Variants in EGLN1 observed in about 807,000 individuals in gnomAD.
EGLN1 encodes egl-9 family hypoxia inducible factor 1.
In EGLN1, 17 loss-of-function variants were observed where a neutral mutation model predicts 38.3. The observed-to-expected ratio is 0.44, with a 90% CI of 0.30 to 0.67. The LOEUF (loss-of-function observed/expected upper bound fraction) is 0.67. EGLN1 is among the 30% of genes least tolerant of loss of function. The probability of loss-of-function intolerance (pLI) is 0.08; values close to 1 mark genes in which losing one functional copy is unlikely to be tolerated. For missense variants in EGLN1, 477 were observed against 603.3 expected (o/e 0.79, Z 2.19); for synonymous variants, 283 against 257.5 (o/e 1.10, Z -0.95).
At chr1:231,418,549 A>G (rs1385363201) in intron 1 of EGLN1, among the ~76,000 whole-genome samples, 1 of 152,150 alleles carries the variant, frequency 6.6e-6, no homozygotes, top group Admixed American at 6.5e-5. Flanking sequence ...ATTAGGAATA[A>G]CACTACTCAC....
At chr1:231,392,960 T>C (rs1330354903) in intron 1 of EGLN1, among the ~76,000 whole-genome samples, 1 of 152,180 alleles carries the variant, frequency 6.6e-6, no homozygotes, top group Non-Finnish European at 1.5e-5. Flanking sequence ...AGGGTGGACA[T>C]GTGGCTCAAG....
intron 1 of EGLN1, among the ~76,000 whole-genome samples, chr1:231,407,742 C>A (rs372969238): frequency 6.6e-6 from 1 of 152,062 alleles, no homozygotes; most frequent in African/African-American, 2.4e-5. Flanking sequence ...CGTCATAAAA[C>A]TTCATTTCAC....
At chr1:231,380,315 C>CAAAAA (rs35280417) in intron 1 of EGLN1, among the ~76,000 whole-genome samples, 88 of 101,034 alleles carry the variant, frequency 8.7e-4, no homozygotes, top group Non-Finnish European at 9.3e-4. Flanking sequence ...GACTCCGTCT[C>CAAAAA]AAAAAAAAAA....
At position 231,421,947 on chromosome 1, in the gene EGLN1, G is replaced by T; in HGVS notation, c.-59C>A. 3 of 1,337,948 alleles carry T rather than the reference G, an allele frequency of 2.2e-6. No homozygotes were observed. The highest frequency in any genetic ancestry group is 2.0e-5 in the South Asian group (1 of 50,910). The allele number at this position is 1,337,948 out of a possible 1,614,324, so 82.9% of individuals were successfully genotyped here. ...GGCCGAGCAGGAGGGGTAGCGGCCG[G>T]ACGGCCTCGCCCGAGGCTGGGGAGC... On this transcript the variant is annotated 5_prime_UTR_variant, in exon 1 of 5. Coordinates refer to ENST00000366641, the MANE Select transcript of EGLN1 (RefSeq NM_022051.3). The surrounding 1 kb of genome is among the most constrained non-coding windows in gnomAD (Gnocchi z 5.5).
chr1:231,395,944 C>T (rs1333737164), intron 1 of EGLN1, among the ~76,000 whole-genome samples: 1 of 151,712 alleles, frequency 6.6e-6, no homozygotes, highest in Non-Finnish European at 1.5e-5. Flanking sequence ...TCTCACATAC[C>T]ACTCACACCC....
intron 2 of EGLN1, among the ~76,000 whole-genome samples, chr1:231,371,735 T>A (rs1687828410): frequency 1.3e-5 from 2 of 152,208 alleles, no homozygotes; most frequent in African/African-American, 4.8e-5. Flanking sequence ...GGGTTTACGA[T>A]CTGGGGATAG....
rs1157902489 is a variant in EGLN1, at chr1:231,365,728, CTG to C, written c.*681_*682del. On this transcript the variant is annotated 3_prime_UTR_variant, in exon 5 of 5. Coordinates refer to ENST00000366641, the MANE Select transcript of EGLN1 (RefSeq NM_022051.3). Reference sequence around the variant, plus strand: ...AAAAGTTATTGGTAGTAAATGGTGACTGTTTTACAATTAGGTTTCGTTATTGA... The same window carrying C: ...AAAAGTTATTGGTAGTAAATGGTGACTTTTACAATTAGGTTTCGTTATTGA... The C allele has an allele frequency of 1.3e-5, 2 of 152,226 alleles. No homozygotes were observed. Among genetic ancestry groups the C allele is most frequent in the Non-Finnish European group, 2.9e-5 (2 of 68,052 alleles). 9.4% of individuals were successfully genotyped at this position (152,226 alleles called of 1,614,324 possible). A position where few individuals can be genotyped will look rare whatever the true frequency, so the allele number is the denominator to read the frequency against.
At chr1:231,387,551 G>A (rs1688253723) in intron 1 of EGLN1, among the ~76,000 whole-genome samples, 1 of 151,784 alleles carries the variant, frequency 6.6e-6, no homozygotes, top group African/African-American at 2.4e-5. Context: ...AGTAGAGACG[G>A]GGTTTCGCCG....
At chr1:231,406,553 G>C (rs188349604) in intron 1 of EGLN1, among the ~76,000 whole-genome samples, 12 of 152,168 alleles carry the variant, frequency 7.9e-5, no homozygotes, top group Non-Finnish European at 2.9e-5. Flanking sequence ...CATTATTTAT[G>C]GGGGAAAAGA....
At chr1:231,376,937 A>T (rs573102168) in intron 1 of EGLN1, among the ~76,000 whole-genome samples, 2 of 152,206 alleles carry the variant, frequency 1.3e-5, no homozygotes, top group Non-Finnish European at 2.9e-5. Flanking sequence ...GCACGGGCCA[A>T]TGTGATCAGA....
intron 1 of EGLN1, among the ~76,000 whole-genome samples, chr1:231,381,716 G>A (rs1350760989): frequency 6.6e-6 from 1 of 152,164 alleles, no homozygotes; most frequent in African/African-American, 2.4e-5. Flanking sequence ...AAATTCATCT[G>A]GTGAAACACA....
At chr1:231,380,464 G>A (rs1030589501) in intron 1 of EGLN1, among the ~76,000 whole-genome samples, 1 of 151,350 alleles carries the variant, frequency 6.6e-6, no homozygotes, top group African/African-American at 2.4e-5. Flanking sequence ...TAAATGATAG[G>A]TATATATATA....
At position 231,421,697 on chromosome 1, in the gene EGLN1, G is replaced by A. The variant is rs1656623345; in HGVS notation, c.192C>T (p.Ala64=). The A allele has an allele frequency of 4.0e-6, 6 of 1,513,326 alleles. No homozygotes were observed. The East Asian group carries it at 1.6e-4, about 40-fold the overall frequency. 93.7% of individuals were successfully genotyped at this position (1,513,326 alleles called of 1,614,324 possible). A position where few individuals can be genotyped will look rare whatever the true frequency, so the allele number is the denominator to read the frequency against. Residue 64 remains alanine (A), a synonymous_variant, in exon 1 of 5, where the codon GCC becomes GCT. Coordinates refer to ENST00000366641, the MANE Select transcript of EGLN1 (RefSeq NM_022051.3). This position sits in a 1 kb window ranked among gnomAD's most constrained non-coding sequence, Gnocchi z 5.5. Reference sequence around the variant, plus strand: ...GGTGTGGGCCCACTCCGTGGCCGAGGGCGCCCTCGCTGCCCTGGCACACGA... The same window carrying A: ...GGTGTGGGCCCACTCCGTGGCCGAGAGCGCCCTCGCTGCCCTGGCACACGA... ...HKLVCQGSEG[A]LGHGVGPHQH...
At chr1:231,415,917 G>A (rs547222432) in intron 1 of EGLN1, among the ~76,000 whole-genome samples, 17 of 150,520 alleles carry the variant, frequency 1.1e-4, no homozygotes, top group African/African-American at 2.0e-4. Flanking sequence ...GCACAATCCC[G>A]GCTCACTGCA....
chr1:231,421,880 A>C lies in EGLN1; in HGVS notation c.9T>G (p.Asn3Lys), dbSNP rs1656639146. 1 of 1,483,442 alleles carries C rather than the reference A, an allele frequency of 6.7e-7. No homozygotes were observed. The highest frequency in any genetic ancestry group is 8.9e-7 in the Non-Finnish European group (1 of 1,125,034). 91.9% of individuals were successfully genotyped at this position (1,483,442 alleles called of 1,614,324 possible). ...TCGGCCCGCCGGGCCCGCCGCTGTC[A>C]TTGGCCATGGCGGCGGCGGCGGCGG... MA[N>K]DSGGPGGPSP... Residue 3 changes from asparagine (N) to lysine (K), a missense_variant, in exon 1 of 5, where the codon AAT becomes AAG. Around this residue, in one of 4 missense-constraint regions of EGLN1, gnomAD observed 298 missense variants for 288.9 expected, o/e 1.03. Transcript: ENST00000366641. The surrounding 1 kb of genome is among the most constrained non-coding windows in gnomAD (Gnocchi z 5.5).
At chr1:231,396,640 A>G (rs1163031396) in intron 1 of EGLN1, among the ~76,000 whole-genome samples, 1 of 152,168 alleles carries the variant, frequency 6.6e-6, no homozygotes, top group African/African-American at 2.4e-5. Flanking sequence ...CCACCCCAGT[A>G]AGTCGAGGTT....
At chr1:231,387,749 G>A (rs1396052161) in intron 1 of EGLN1, among the ~76,000 whole-genome samples, 3 of 152,174 alleles carry the variant, frequency 2.0e-5, no homozygotes, top group African/African-American at 7.2e-5. Context: ...CTATTAAGAA[G>A]TCAAGTTCTC....
At chr1:231,389,728 C>A (rs1688318857) in intron 1 of EGLN1, among the ~76,000 whole-genome samples, 1 of 152,126 alleles carries the variant, frequency 6.6e-6, no homozygotes, top group Admixed American at 6.5e-5. Flanking sequence ...GCAGGCGGGT[C>A]ACGAGGTCAA....
At chr1:231,416,457 T>C (rs1353246460) in intron 1 of EGLN1, among the ~76,000 whole-genome samples, 1 of 150,496 alleles carries the variant, frequency 6.6e-6, no homozygotes, top group Non-Finnish European at 1.5e-5. Context: ...TTTTTTGAGA[T>C]AGGGTTTTGT....
Sources: gnomAD v4.1 joint callset for allele counts (sites outside exome capture counted in the v4.1 genomes callset) on GRCh38, gnomAD v4.1.1 for gene constraint, gnomAD v4.1.1 regional missense constraint, Gnocchi (gnomAD v3.1) non-coding constraint, MANE v1.5 for transcripts, NCBI Gene and HGNC (gene_info 2026-07-23, HGNC 2026-07-21) for gene names.